FGF8: variants seen among roughly 807,000 people sequenced by gnomAD.
The protein encoded by FGF8 is androgen-induced growth factor.
FGF8 carries 12 observed loss-of-function variants against 29.7 expected under a neutral mutation model. The ratio of observed to expected loss-of-function variants is 0.40; its 90% CI spans 0.26 to 0.65. The LOEUF (loss-of-function observed/expected upper bound fraction) is 0.65, where lower values mean the gene tolerates loss of function less well. Ranked by LOEUF, FGF8 falls within the 30% of genes least tolerant of loss-of-function variation. The pLI is 0.37. For synonymous variants in FGF8, 157 were observed against 144.4 expected, an observed-to-expected ratio of 1.09 and a Z score of -0.63; for missense variants, 271 against 345.1, an observed-to-expected ratio of 0.79 and a Z score of 1.70.
chr10:101,776,622 C>T (rs1269271190), upstream of FGF8, among the ~76,000 whole-genome samples: 4 of 151,984 alleles, frequency 2.6e-5, no homozygotes, highest in Admixed American at 1.3e-4. Flanking sequence ...TACTGTGTGT[C>T]CCGCCGGGCC....
At chr10:101,777,655 TCTTGCCCACACAGAC>T (rs1388161749), upstream of FGF8, among the ~76,000 whole-genome samples, 11 of 152,376 alleles carry the variant, frequency 7.2e-5, no homozygotes, top group South Asian at 2.1e-4. Context: ...TTCAGTGGGC[TCTTGCCCACACAGAC>T]CTTGCCCACA....
Position 101,775,662 on chromosome 10 carries a change from C to T in FGF8, c.69+78G>A, listed in dbSNP as rs538019672. ...CCCGCGCCGGCCGCAGAGTCAGTCC[C>T]GGTGCCCCCGACCGGCGCTGCCCAC... On this transcript the variant is annotated intron_variant, in intron 2 of 5. Coordinates refer to ENST00000320185, the MANE Select transcript of FGF8 (RefSeq NM_033163.5). This position sits in a 1 kb window ranked among gnomAD's most constrained non-coding sequence, Gnocchi z 4.6. 651 of 1,493,604 alleles carry T rather than the reference C, an allele frequency of 4.4e-4. 1 individual carries two copies. Among genetic ancestry groups the T allele is most frequent in the Non-Finnish European group, 3.6e-4 (401 of 1,108,906 alleles). The allele number at this position is 1,493,604 out of a possible 1,614,324, so 92.5% of individuals were successfully genotyped here. A position where few individuals can be genotyped will look rare whatever the true frequency, so the allele number is the denominator to read the frequency against.
rs1007993580 is a variant in FGF8 at position 101,772,625 on chromosome 10, T to A, written c.338-1056A>T. The stretch of plus-strand genomic sequence containing the variant: ...CGTCCCTGCCGCAGAGCCCAGCCTC[T>A]CCCCTCCCTGAGAAAGCAGTTCTTG... On this transcript the variant is annotated intron_variant, in intron 4 of 5. Coordinates refer to ENST00000320185, the MANE Select transcript of FGF8 (RefSeq NM_033163.5). This position sits in a 1 kb window ranked among gnomAD's most constrained non-coding sequence, Gnocchi z 4.4. 1.3e-5 allele frequency among the ~76,000 whole-genome samples: 2 copies of A among 152,148 alleles called. No homozygotes were observed. The highest frequency in any genetic ancestry group is 4.8e-5 in the African/African-American group (2 of 41,420).
At position 101,775,892 on chromosome 10, in the gene FGF8, G is replaced by A. The variant is rs2135002979; in HGVS notation, c.9C>T (p.Ser3=). 4 of 1,305,394 alleles carry A rather than the reference G, an allele frequency of 3.1e-6. No individual in the cohort carries two copies. The highest frequency in any genetic ancestry group is 4.1e-5 in the Admixed American group (1 of 24,280). 80.9% of individuals were successfully genotyped at this position (1,305,394 alleles called of 1,614,324 possible). The change falls in exon 1 of 6, where the codon AGC becomes AGT. Residue 3 remains serine, a synonymous_variant. Transcript: ENST00000320185. The surrounding 1 kb of genome is among the most constrained non-coding windows in gnomAD (Gnocchi z 4.6). The part of the protein sequence containing the change: MG[S]PRSALSCLLL... Reference sequence around the variant, plus strand: ...ACAGGCAGCTCAGCGCGGAGCGGGGGCTGCCCATGGCGCGCGGCCCCGGGG... The same window carrying A: ...ACAGGCAGCTCAGCGCGGAGCGGGGACTGCCCATGGCGCGCGGCCCCGGGG...
chr10:101,773,529 C>G (rs984052794), intron 4 of FGF8, among the ~76,000 whole-genome samples: 1 of 149,366 alleles, frequency 6.7e-6, no homozygotes, highest in African/African-American at 2.5e-5. Context: ...CCGCAGTTTA[C>G]GGCAGCTCTC....
upstream of FGF8, among the ~76,000 whole-genome samples, chr10:101,777,318 A>G (rs1052768881): frequency 1.3e-5 from 2 of 152,106 alleles, no homozygotes; most frequent in Non-Finnish European, 2.9e-5. Context: ...ATGCCCTACC[A>G]GACTGCTGTC....
At chr10:101,774,115 G>A (rs2065057692) in intron 4 of FGF8, among the ~76,000 whole-genome samples, 1 of 152,222 alleles carries the variant, frequency 6.6e-6, no homozygotes, top group African/African-American at 2.4e-5. Flanking sequence ...TTTCAAGGCA[G>A]GAATATTGAA....
In FGF8 at chr10:101,775,092, C is replaced by A. The variant is rs1328843300; in HGVS notation, c.156+38G>T. ...ACCCACGCAAGTCGGGCAGACCCAG[C>A]CCAGGATGAACGAGCCCCAGGGAGA... On this transcript the variant is annotated intron_variant, in intron 3 of 5. Coordinates refer to ENST00000320185, the MANE Select transcript of FGF8 (RefSeq NM_033163.5). The surrounding 1 kb of genome is among the most constrained non-coding windows in gnomAD (Gnocchi z 4.6). 1 of 1,535,564 alleles carries A rather than the reference C, an allele frequency of 6.5e-7. No individual in the cohort carries two copies. Among genetic ancestry groups the A allele is most frequent in the African/African-American group, 1.4e-5 (1 of 72,866 alleles).
rs1195631294 is a variant in FGF8, at chr10:101,771,450, G to C, written c.444+13C>G. ...TAGGTCCCGCGGACCCCACCTGCCT[G>C]CTGGGGCCTCACCTTGGCGATCAGC... On this transcript the variant is annotated intron_variant, in intron 5 of 5. Transcript: ENST00000320185. The surrounding 1 kb of genome is among the most constrained non-coding windows in gnomAD (Gnocchi z 5.3). 4.4e-6 allele frequency: 7 copies of C among 1,608,432 alleles called. No homozygotes were observed. The highest frequency in any genetic ancestry group is 1.3e-5 in the African/African-American group (1 of 74,804).
Position 101,775,780 on chromosome 10 carries a change from T to G in FGF8, c.33-4A>C. The G allele has an allele frequency of 6.5e-7, 1 of 1,542,726 alleles. No individual in the cohort carries two copies. Among genetic ancestry groups the G allele is most frequent in the Non-Finnish European group, 8.7e-7 (1 of 1,144,874 alleles). On this transcript the variant is annotated splice_region_variant and splice_polypyrimidine_tract_variant and intron_variant, in intron 1 of 5. Coordinates refer to ENST00000320185, the MANE Select transcript of FGF8 (RefSeq NM_033163.5). The surrounding 1 kb of genome is among the most constrained non-coding windows in gnomAD (Gnocchi z 4.6). ...GAGGACCAGCAAGTGCAACAGCCTG[T>G]GGGAGACAAAAGCGGGCGGGAGAGA...
At chr10:101,774,500 A>G (rs2065063381) in intron 4 of FGF8, among the ~76,000 whole-genome samples, 1 of 152,200 alleles carries the variant, frequency 6.6e-6, no homozygotes. Context: ...GGGAGGTGTA[A>G]AGGGAGATTC....
In FGF8 at chr10:101,775,178, G is replaced by A. The variant is rs2065072771; in HGVS notation, c.108C>T (p.Leu36=). The A allele has an allele frequency of 1.3e-6, 2 of 1,546,010 alleles. No individual in the cohort carries two copies. Among genetic ancestry groups the A allele is most frequent in the African/African-American group, 1.4e-5 (1 of 72,978 alleles). Residue 36 remains leucine (L), a synonymous_variant, in exon 3 of 6, where the codon CTC becomes CTT. Coordinates refer to ENST00000320185, the MANE Select transcript of FGF8 (RefSeq NM_033163.5). The surrounding 1 kb of genome is among the most constrained non-coding windows in gnomAD (Gnocchi z 4.6). ...CCCGGCCAGCCCGGAACAGGGAAGC[G>A]AGCTCCCTGCCCAGCGCAGGGCCCC... is the stretch of plus-strand genomic sequence containing the variant. ...PGRGPALGRE[L]ASLFRAGREP... is the part of the protein sequence containing the mutation.
chr10:101,774,969 C>A (rs2065069601), intron 3 of FGF8, 57 bp from the exon 4 acceptor site: 2 of 1,583,526 alleles, frequency 1.3e-6, no homozygotes, highest in Non-Finnish European at 1.7e-6. Context: ...CGCCCAGGGG[C>A]CCGAGTGGCC....
rs961661696 is a variant in FGF8, at chr10:101,775,286, T to G, written c.70-70A>C. 3.5e-6 allele frequency: 4 copies of G among 1,135,280 alleles called. No homozygotes were observed. In the African/African-American group the frequency reaches 6.1e-5, roughly 17 times the overall value. The allele number at this position is 1,135,280 out of a possible 1,614,324, so 70.3% of individuals were successfully genotyped here. Reference sequence around the variant, plus strand: ...ACCCCTGACATTTATAAAGACAAATTTACGGAGCAAATGTTGAGAGTGCAG... The same window carrying G: ...ACCCCTGACATTTATAAAGACAAATGTACGGAGCAAATGTTGAGAGTGCAG... On this transcript the variant is annotated intron_variant, in intron 2 of 5. Transcript: ENST00000320185. This position sits in a 1 kb window ranked among gnomAD's most constrained non-coding sequence, Gnocchi z 4.6.
upstream of FGF8, among the ~76,000 whole-genome samples, chr10:101,776,717 C>T (rs1004628195): frequency 1.3e-5 from 2 of 152,146 alleles, no homozygotes; most frequent in Admixed American, 6.5e-5. Context: ...GGACCCCGCT[C>T]CCCTGTTTCG....
At chr10:101,780,062 G>C (rs879350044), upstream of FGF8, among the ~76,000 whole-genome samples, 1 of 152,194 alleles carries the variant, frequency 6.6e-6, no homozygotes, top group Non-Finnish European at 1.5e-5. Context: ...GCCCGCCAGA[G>C]GGCGCCAGCC....
At chr10:101,776,799 G>A (rs1230745327), upstream of FGF8, among the ~76,000 whole-genome samples, 2 of 150,830 alleles carry the variant, frequency 1.3e-5, no homozygotes, top group Non-Finnish European at 2.9e-5. Context: ...AGCCAGAAAT[G>A]CCTCCCCCTC....
At position 101,775,830 on chromosome 10, in the gene FGF8, C is replaced by CG. The variant is rs1478664882; in HGVS notation, c.32+38dup. The CG allele has an allele frequency of 2.9e-6, 3 of 1,040,786 alleles. No homozygotes were observed. Among genetic ancestry groups the CG allele is most frequent in the Admixed American group, 2.9e-5 (1 of 34,574 alleles). The allele number at this position is 1,040,786 out of a possible 1,614,324, so 64.5% of individuals were successfully genotyped here. ...AGAGGCGCGGGTGAGGCGAGGGGCGCGGGGGGCGGGTGGCGGGGCAGGGCG... is the reference window on the plus strand; with the variant it reads ...AGAGGCGCGGGTGAGGCGAGGGGCGCGGGGGGGCGGGTGGCGGGGCAGGGCG... On this transcript the variant is annotated intron_variant, in intron 1 of 5. Coordinates refer to ENST00000320185, the MANE Select transcript of FGF8 (RefSeq NM_033163.5). This position sits in a 1 kb window ranked among gnomAD's most constrained non-coding sequence, Gnocchi z 4.6.
chr10:101,770,587 C>T lies in FGF8; in HGVS notation c.477G>A (p.Thr159=), dbSNP rs141763609. 5.1e-5 allele frequency: 83 copies of T among 1,612,098 alleles called. No homozygotes were observed. The African/African-American group carries it at 1.0e-3, about 20-fold the overall frequency. ...SNGKGKDCVF[T]EIVLENNYTA... ...TGTAGTTGTTCTCCAGCACAATCTC[C>T]GTGAAGACGCAGTCCTTGCCTTTGC... Residue 159 remains threonine (T), a synonymous_variant, in exon 6 of 6, where the codon ACG becomes ACA. Coordinates refer to ENST00000320185, the MANE Select transcript of FGF8 (RefSeq NM_033163.5).
Sources: allele counts gnomAD v4.1 joint callset (sites outside exome capture counted in the v4.1 genomes callset), GRCh38; gene constraint gnomAD v4.1.1; non-coding constraint Gnocchi (gnomAD v3.1); transcripts MANE v1.5; gene names NCBI Gene and HGNC (gene_info 2026-07-23, HGNC 2026-07-21).